The following CNTNAP2 variants were observed in gnomAD, a reference collection of about 807,000 sequenced individuals.
The protein encoded by CNTNAP2 is contactin associated protein 2.
CNTNAP2 carries 98 observed loss-of-function variants against 155.2 expected under a neutral mutation model. The observed-to-expected ratio is 0.63, with a 90% CI of 0.54 to 0.75. The LOEUF (loss-of-function observed/expected upper bound fraction) is 0.75. Ranked by LOEUF, CNTNAP2 falls within the 30% of genes least tolerant of loss-of-function variation. The pLI is 0.00. For missense variants in CNTNAP2, 1,727 were observed against 1,688.1 expected, an observed-to-expected ratio of 1.02 and a Z score of -0.40; for synonymous variants, 651 against 631.2, an observed-to-expected ratio of 1.03 and a Z score of -0.47.
intron 15 of CNTNAP2, among the ~76,000 whole-genome samples, chr7:148,030,444 G>T (rs1802455871): frequency 6.6e-6 from 1 of 152,136 alleles, no homozygotes; most frequent in African/African-American, 2.4e-5. Context: ...AATAGTTGCA[G>T]TTATCTACCA....
Position 148,415,303 on chromosome 7 carries a change from TTG to T in CNTNAP2, c.3797-110_3797-109del, listed in dbSNP as rs368304779. The T allele has an allele frequency of 1.8e-4, 185 of 1,052,886 alleles. 1 individual carries two copies. The African/African-American group carries it at 2.5e-3, about 14-fold the overall frequency. The allele number at this position is 1,052,886 out of a possible 1,614,324, so 65.2% of individuals were successfully genotyped here. On this transcript the variant is annotated intron_variant, in intron 23 of 23. Transcript: ENST00000361727. ...TTTGTTATCTTTGTTGTTTTGGAGGTTGTGTTTTATATGGGAGAGGGCTGTGT... is the reference window on the plus strand; with the variant it reads ...TTTGTTATCTTTGTTGTTTTGGAGGTTGTTTTATATGGGAGAGGGCTGTGT...
chr7:148,413,530 TCTC>T (rs57000359), intron 23 of CNTNAP2, among the ~76,000 whole-genome samples: 269 of 148,934 alleles, frequency 1.8e-3, no homozygotes, highest in Middle Eastern at 7.0e-3. Flanking sequence ...AGTAGTGTTT[TCTC>T]CTCCTATATT....
chr7:147,195,792 A>G (rs1682065212), intron 8 of CNTNAP2, among the ~76,000 whole-genome samples: 1 of 152,024 alleles, frequency 6.6e-6, no homozygotes, highest in African/African-American at 2.4e-5. Context: ...GAAGTTGCTT[A>G]TCAATTTAAG....
At chr7:146,999,533 T>A (rs1232035575) in intron 3 of CNTNAP2, among the ~76,000 whole-genome samples, 1 of 152,072 alleles carries the variant, frequency 6.6e-6, no homozygotes, top group East Asian at 1.9e-4. Flanking sequence ...TGGTGTCCTT[T>A]CCTTTCAGCT....
chr7:146,614,743 G>A (rs1284741464), intron 1 of CNTNAP2, among the ~76,000 whole-genome samples: 1 of 152,138 alleles, frequency 6.6e-6, no homozygotes, highest in African/African-American at 2.4e-5. Context: ...AGGCTCAGTT[G>A]CAATGTACTG....
chr7:146,120,098 C>T (rs1051498115), intron 1 of CNTNAP2, among the ~76,000 whole-genome samples: 8 of 151,770 alleles, frequency 5.3e-5, no homozygotes, highest in African/African-American at 9.7e-5. Flanking sequence ...AAGTAACTAA[C>T]GCAACAATAT....
At chr7:147,145,546 G>A (rs1347085396) in intron 8 of CNTNAP2, among the ~76,000 whole-genome samples, 1 of 152,050 alleles carries the variant, frequency 6.6e-6, no homozygotes, top group Non-Finnish European at 1.5e-5. Flanking sequence ...TGCCCCAGAG[G>A]GAGAAGCCTA....
intron 12 of CNTNAP2, among the ~76,000 whole-genome samples, chr7:147,580,016 T>A (rs1334398731): frequency 1.3e-5 from 2 of 152,180 alleles, no homozygotes; most frequent in African/African-American, 2.4e-5. Flanking sequence ...TCAGCATAAC[T>A]TTATTTTAAA....
At chr7:147,008,799 C>T (rs1436516542) in intron 3 of CNTNAP2, among the ~76,000 whole-genome samples, 2 of 151,976 alleles carry the variant, frequency 1.3e-5, no homozygotes, top group African/African-American at 4.8e-5. Flanking sequence ...GTTTATTTAT[C>T]TGGACTTTTT....
At chr7:147,644,481 G>C (rs1795334082) in intron 13 of CNTNAP2, among the ~76,000 whole-genome samples, 1 of 152,134 alleles carries the variant, frequency 6.6e-6, no homozygotes, top group Non-Finnish European at 1.5e-5. Context: ...AATTAGCTGG[G>C]TGTGGTGGCA....
chr7:146,993,909 G>A (rs1039740171), intron 3 of CNTNAP2, among the ~76,000 whole-genome samples: 1 of 152,038 alleles, frequency 6.6e-6, no homozygotes, highest in African/African-American at 2.4e-5. Context: ...TATTTTCCAG[G>A]TTCAACCAAT....
Position 146,158,767 on chromosome 7 carries a change from C to T in CNTNAP2, c.97+41794C>T, listed in dbSNP as rs565381627. Among the ~76,000 whole-genome samples, 91 of 152,276 alleles carry T rather than the reference C, an allele frequency of 6.0e-4. 1 individual carries two copies. The highest frequency in any genetic ancestry group is 1.9e-3 in the African/African-American group (80 of 41,566). On this transcript the variant is annotated intron_variant, in intron 1 of 23. Coordinates refer to ENST00000361727, the MANE Select transcript of CNTNAP2 (RefSeq NM_014141.6). ...GTGAAAAGACCAAATCTACGTCTGA[C>T]TGGTGTACCTGAAAATGACAGGGAG... is the stretch of plus-strand genomic sequence containing the variant.
At chr7:147,865,725 A>G (rs943960148) in intron 13 of CNTNAP2, among the ~76,000 whole-genome samples, 7 of 152,130 alleles carry the variant, frequency 4.6e-5, no homozygotes, top group African/African-American at 1.4e-4. Context: ...AGAAGTGTTT[A>G]TAGTATTCGC....
chr7:146,174,724 C>A (rs1382768528), intron 1 of CNTNAP2, among the ~76,000 whole-genome samples: 1 of 151,986 alleles, frequency 6.6e-6, no homozygotes, highest in Non-Finnish European at 1.5e-5. Flanking sequence ...CAGCTGAAAT[C>A]CCAGCTACTC....
chr7:147,336,766 C>G (rs957461799), intron 9 of CNTNAP2, among the ~76,000 whole-genome samples: 4 of 152,118 alleles, frequency 2.6e-5, no homozygotes, highest in Non-Finnish European at 5.9e-5. Flanking sequence ...TAGGACCCAA[C>G]TATTGATTAT....
At chr7:148,395,979 T>G (rs376733756) in intron 22 of CNTNAP2, among the ~76,000 whole-genome samples, 2 of 152,338 alleles carry the variant, frequency 1.3e-5, no homozygotes, top group African/African-American at 4.8e-5. Context: ...GTTAGGACTC[T>G]GTCCCGTTCT....
intron 3 of CNTNAP2, among the ~76,000 whole-genome samples, chr7:146,994,186 A>G (rs1798264269): frequency 1.3e-5 from 2 of 152,106 alleles, no homozygotes; most frequent in Admixed American, 1.3e-4. Flanking sequence ...AGTAAGTGGT[A>G]AGGGAGCTGG....
intron 13 of CNTNAP2, among the ~76,000 whole-genome samples, chr7:147,702,055 G>A: frequency 8.9e-6 from 1 of 111,906 alleles, no homozygotes; most frequent in South Asian, 3.1e-4. Context: ...ACTTTGGTTG[G>A]TTTTTTTTTT....
intron 10 of CNTNAP2, among the ~76,000 whole-genome samples, chr7:147,441,718 G>C (rs1440475906): frequency 6.6e-6 from 1 of 151,970 alleles, no homozygotes; most frequent in African/African-American, 2.4e-5. Flanking sequence ...GATTCATCTT[G>C]ATCGTCTTAA....
Sources: gnomAD v4.1 joint callset for allele counts (sites outside exome capture counted in the v4.1 genomes callset) on GRCh38, gnomAD v4.1.1 for gene constraint, MANE v1.5 for transcripts, NCBI Gene and HGNC (gene_info 2026-07-23, HGNC 2026-07-21) for gene names.